The following CCDC73 variants were observed in gnomAD, a reference collection of about 807,000 sequenced individuals.
The protein encoded by CCDC73 is coiled-coil domain containing 73.
A neutral mutation model predicts 116.5 loss-of-function variants in CCDC73; 95 were observed. The observed-to-expected ratio is 0.82, with a 90% confidence interval of 0.69 to 0.97. CCDC73 has a LOEUF of 0.97. Ranked by LOEUF, CCDC73 falls within the 50% of genes least tolerant of loss-of-function variation. CCDC73 has a pLI of 0.00. For synonymous variants in CCDC73, 398 were observed against 401.3 expected, an observed-to-expected ratio of 0.99 and a Z score of 0.10; for missense variants, 1,066 against 1,206.8, an observed-to-expected ratio of 0.88 and a Z score of 1.73.
At chr11:32,677,879 G>A (rs928332330) in intron 7 of CCDC73, among the ~76,000 whole-genome samples, 41 of 145,772 alleles carry the variant, frequency 2.8e-4, no homozygotes, top group African/African-American at 9.6e-4. Context: ...TTGAACCCAG[G>A]AGGCAGAGGT....
At chr11:32,710,726 C>T (rs1048787060) in intron 3 of CCDC73, among the ~76,000 whole-genome samples, 2 of 152,140 alleles carry the variant, frequency 1.3e-5, no homozygotes, top group African/African-American at 4.8e-5. Flanking sequence ...CAGTTTAAGT[C>T]CATTGTTTCT....
At chr11:32,745,618 C>T (rs1392270676) in intron 2 of CCDC73, among the ~76,000 whole-genome samples, 1 of 152,086 alleles carries the variant, frequency 6.6e-6, no homozygotes. Context: ...GGATAGTTAG[C>T]TCTTCTTGTT....
chr11:32,670,763 G>A (rs183350231), intron 9 of CCDC73, among the ~76,000 whole-genome samples: 28 of 152,242 alleles, frequency 1.8e-4, no homozygotes, highest in Non-Finnish European at 3.8e-4. Flanking sequence ...ACATGGAGCT[G>A]TTATAATCAG....
At chr11:32,808,100 G>A in the CCDC73 span, among the ~76,000 whole-genome samples, 1 of 152,090 alleles carries the variant, frequency 6.6e-6, no homozygotes, top group Admixed American at 6.6e-5. Flanking sequence ...GTACAACAAA[G>A]TTGGAAGCAG....
chr11:32,829,025 G>C, the CCDC73 span, among the ~76,000 whole-genome samples: 1 of 152,180 alleles, frequency 6.6e-6, no homozygotes, highest in Admixed American at 6.5e-5. Context: ...TGTAGTCCCA[G>C]CTACTCTGGA....
At chr11:32,820,551 T>C in the CCDC73 span, among the ~76,000 whole-genome samples, 45 of 152,328 alleles carry the variant, frequency 3.0e-4, no homozygotes, top group East Asian at 8.1e-3. Flanking sequence ...ATGAGATATC[T>C]TTATAAATCA....
At position 32,614,594 on chromosome 11, in the gene CCDC73, G is replaced by T. The variant is rs562518207; in HGVS notation, c.1724C>A (p.Ser575Ter). The change falls in exon 16 of 18, where the codon TCA (serine) becomes TAA (stop). Residue 575 changes from serine (S) to a stop codon, truncating the protein, a stop_gained. Transcript: ENST00000335185. LOFTEE classifies it high-confidence loss of function. ...VNLEVENNKT[S>*]FNSILNETAH... Reference sequence around the variant, plus strand: ...TGTCTCATTTAAAATACTGTTAAATGATGTTTTGTTATTTTCAACCTCCAG... The same window carrying T: ...TGTCTCATTTAAAATACTGTTAAATTATGTTTTGTTATTTTCAACCTCCAG... The T allele has an allele frequency of 1.9e-6, 3 of 1,610,790 alleles. No individual in the cohort carries two copies. Among genetic ancestry groups the T allele is most frequent in the Non-Finnish European group, 2.5e-6 (3 of 1,177,538 alleles).
At chr11:32,755,909 A>ATC (rs1395638278) in intron 2 of CCDC73, among the ~76,000 whole-genome samples, 1 of 57,120 alleles carries the variant, frequency 1.8e-5, no homozygotes, top group Non-Finnish European at 3.0e-5. Flanking sequence ...ATATCTATAT[A>ATC]TATCTCCATA....
intron 9 of CCDC73, among the ~76,000 whole-genome samples, chr11:32,675,246 C>G (rs145743497): frequency 6.6e-6 from 1 of 151,846 alleles, no homozygotes; most frequent in Admixed American, 6.6e-5. Flanking sequence ...CACATAGCAC[C>G]CAGTATATAA....
chr11:32,618,901 G>A (rs115700391), intron 14 of CCDC73, among the ~76,000 whole-genome samples: 2 of 152,048 alleles, frequency 1.3e-5, no homozygotes, highest in Non-Finnish European at 2.9e-5. Flanking sequence ...TTATCTCTTT[G>A]TGGTGTTGAT....
rs80012332 is a variant in CCDC73 at position 32,762,461 on chromosome 11, G to C, written c.-15-2203C>G. ...AAAATGTATGGAATTCAAACTTAGG[G>C]CTTACCAAAGTCTAATAAGAGACTC... On this transcript the variant is annotated intron_variant, in intron 1 of 17. Transcript: ENST00000335185. Among the ~76,000 whole-genome samples, 785 of 152,108 alleles carry C rather than the reference G, an allele frequency of 5.2e-3. 14 individuals are homozygous for C. The East Asian group carries it at 0.059, about 11-fold the overall frequency.
At chr11:32,823,319 C>T in the CCDC73 span, among the ~76,000 whole-genome samples, 1 of 151,926 alleles carries the variant, frequency 6.6e-6, no homozygotes. Context: ...ACTAAAAATA[C>T]AAAAATTAGC....
chr11:32,768,500 A>T (rs932322470), intron 1 of CCDC73, among the ~76,000 whole-genome samples: 10 of 152,164 alleles, frequency 6.6e-5, no homozygotes, highest in Admixed American at 1.3e-4. Context: ...ATAAAAAAAG[A>T]AAGCAAAGAG....
intron 9 of CCDC73, 43 bp from the exon 10 acceptor site, chr11:32,655,015 T>C: frequency 6.6e-7 from 1 of 1,524,462 alleles, no homozygotes; most frequent in Non-Finnish European, 8.8e-7. Context: ...GTACACATAT[T>C]TCACTAAAAC....
rs547735962 is a variant in CCDC73 at position 32,729,691 on chromosome 11, G to GT, written c.136-11545dup. 3.3e-5 allele frequency among the ~76,000 whole-genome samples: 5 copies of GT among 152,130 alleles called. No individual in the cohort carries two copies. In the South Asian group the frequency reaches 8.3e-4, roughly 25 times the overall value. The stretch of plus-strand genomic sequence containing the variant: ...CTCTGCATCCTTGCCAGCATCTGTT[G>GT]TTTTTTGACTTTTTAATAATCACCA... On this transcript the variant is annotated intron_variant, in intron 2 of 17. Coordinates refer to ENST00000335185, the MANE Select transcript of CCDC73 (RefSeq NM_001008391.4).
chr11:32,663,613 T>C (rs1855951441), intron 9 of CCDC73, among the ~76,000 whole-genome samples: 1 of 152,234 alleles, frequency 6.6e-6, no homozygotes, highest in African/African-American at 2.4e-5. Context: ...TATACAGTCA[T>C]GTCATCTGCA....
chr11:32,826,830 T>G, the CCDC73 span, among the ~76,000 whole-genome samples: 4 of 152,222 alleles, frequency 2.6e-5, no homozygotes, highest in Non-Finnish European at 5.9e-5. Flanking sequence ...TAAAATGCTT[T>G]GGAAGAAAGG....
chr11:32,823,255 C>T, the CCDC73 span, among the ~76,000 whole-genome samples: 1 of 152,194 alleles, frequency 6.6e-6, no homozygotes, highest in Non-Finnish European at 1.5e-5. Flanking sequence ...GGGTGGATCA[C>T]CTGAGGTCAG....
chr11:32,673,634 T>C (rs185966511), intron 9 of CCDC73, among the ~76,000 whole-genome samples: 1 of 152,310 alleles, frequency 6.6e-6, no homozygotes, highest in African/African-American at 2.4e-5. Context: ...CAACTTTCTC[T>C]GTACTGAATC....
Sources: gnomAD v4.1 joint callset for allele counts (sites outside exome capture counted in the v4.1 genomes callset) on GRCh38, gnomAD v4.1.1 for gene constraint, MANE v1.5 for transcripts, NCBI Gene and HGNC (gene_info 2026-07-23, HGNC 2026-07-21) for gene names.